The following DNAI7 variants were observed in gnomAD, a reference collection of about 807,000 sequenced individuals.
DNAI7 encodes the protein cancer susceptibility 1.
In DNAI7, 78 loss-of-function variants were observed where a neutral mutation model predicts 86.6. The observed-to-expected ratio is 0.90, with a 90% CI of 0.75 to 1.09. The LOEUF (loss-of-function observed/expected upper bound fraction) is 1.09, where lower values mean the gene tolerates loss of function less well. Ranked by LOEUF, DNAI7 falls within the 50% of genes least tolerant of loss-of-function variation. DNAI7 has a pLI of 0.00. For synonymous variants in DNAI7, 274 were observed against 273.0 expected, an observed-to-expected ratio of 1.00 and a Z score of -0.04; for missense variants, 753 against 810.2, an observed-to-expected ratio of 0.93 and a Z score of 0.86.
chr12:25,148,083 AT>A (rs140136097), intron 7 of DNAI7, among the ~76,000 whole-genome samples: 3,096 of 152,250 alleles, frequency 0.02, 87 homozygotes, highest in African/African-American at 0.071. Context: ...TTTATTATTA[AT>A]TTTTTTAAGT....
At chr12:25,152,693 C>G (rs1340456752) in intron 6 of DNAI7, among the ~76,000 whole-genome samples, 1 of 152,122 alleles carries the variant, frequency 6.6e-6, no homozygotes, top group East Asian at 1.9e-4. Context: ...AGGTGACAAG[C>G]TGGGACTTGT....
At chr12:25,151,841 G>T (rs2140937215) in intron 6 of DNAI7, among the ~76,000 whole-genome samples, 1 of 152,298 alleles carries the variant, frequency 6.6e-6, no homozygotes, top group East Asian at 1.9e-4. Flanking sequence ...TTATAATCTT[G>T]TTGTTTAGAT....
At chr12:25,153,700 A>C (rs1336085177) in intron 6 of DNAI7, among the ~76,000 whole-genome samples, 3 of 152,176 alleles carry the variant, frequency 2.0e-5, no homozygotes, top group Non-Finnish European at 4.4e-5. Context: ...TTAGCTATGA[A>C]GCCATGGCTT....
intron 3 of DNAI7, among the ~76,000 whole-genome samples, chr12:25,159,002 T>G (rs2141008038): frequency 6.6e-6 from 1 of 152,304 alleles, no homozygotes; most frequent in South Asian, 2.1e-4. Context: ...TGAAAACCAG[T>G]TCAACCAATG....
At chr12:25,189,642 T>C (rs1950330062) in intron 2 of DNAI7, among the ~76,000 whole-genome samples, 1 of 152,032 alleles carries the variant, frequency 6.6e-6, no homozygotes, top group Admixed American at 6.6e-5. Flanking sequence ...ACCCTGTCTC[T>C]AAAATACAAA....
chr12:25,179,756 C>G (rs1949323429), intron 2 of DNAI7, among the ~76,000 whole-genome samples: 2 of 151,132 alleles, frequency 1.3e-5, no homozygotes, highest in Admixed American at 1.3e-4. Flanking sequence ...AAAAAAAAAC[C>G]CTCAAAAAAC....
intron 7 of DNAI7, among the ~76,000 whole-genome samples, chr12:25,149,246 T>C (rs1945213430): frequency 6.6e-6 from 1 of 152,172 alleles, no homozygotes; most frequent in South Asian, 2.1e-4. Context: ...TTGCCATTAC[T>C]TTTAATAGCA....
intron 2 of DNAI7, among the ~76,000 whole-genome samples, chr12:25,168,767 C>T (rs1334326547): frequency 6.6e-6 from 1 of 152,180 alleles, no homozygotes; most frequent in East Asian, 1.9e-4. Context: ...ATTAGATGTC[C>T]TAGGTCCTCC....
intron 9 of DNAI7, among the ~76,000 whole-genome samples, chr12:25,140,087 T>C (rs1466394636): frequency 1.3e-5 from 2 of 152,056 alleles, no homozygotes; most frequent in East Asian, 1.9e-4. Flanking sequence ...CAGCCAACAT[T>C]ATACTGAATA....
intron 2 of DNAI7, among the ~76,000 whole-genome samples, chr12:25,169,150 G>C (rs538636345): frequency 4.8e-4 from 73 of 152,296 alleles, no homozygotes; most frequent in African/African-American, 1.6e-3. Context: ...TCCCCTGTGA[G>C]GTGCACGTAC....
At chr12:25,134,352 C>CATTT (rs766442145) in intron 9 of DNAI7, among the ~76,000 whole-genome samples, 45 of 91,156 alleles carry the variant, frequency 4.9e-4, no homozygotes, top group African/African-American at 1.8e-3. Flanking sequence ...CCTTGGCGTA[C>CATTT]TTTTTTTTTT....
intron 9 of DNAI7, among the ~76,000 whole-genome samples, chr12:25,131,806 T>C (rs2140623307): frequency 6.6e-6 from 1 of 152,304 alleles, no homozygotes; most frequent in African/African-American, 2.4e-5. Context: ...ATTCACTTCT[T>C]CCTTCCTTCA....
chr12:25,163,206 TACTA>T (rs1208633303), intron 2 of DNAI7, among the ~76,000 whole-genome samples: 13 of 152,190 alleles, frequency 8.5e-5, no homozygotes, highest in Non-Finnish European at 1.2e-4. Flanking sequence ...CACATTTCAA[TACTA>T]ACTGTCAGGC....
Position 25,147,015 on chromosome 12 carries a change from G to A in DNAI7, c.675C>T (p.Leu225=). ...ENVTLYVWAN[L]KKNPRHRSVR... Reference sequence around the variant, plus strand: ...CACAAGGGTACCTTGGATTCTTCTTGAGGTTTGCCCACACATACAGAGTAA... The same window carrying A: ...CACAAGGGTACCTTGGATTCTTCTTAAGGTTTGCCCACACATACAGAGTAA... The change falls in exon 8 of 16, where the codon CTC becomes CTT. Residue 225 remains leucine, a synonymous_variant. Coordinates refer to ENST00000395987, the MANE Select transcript of DNAI7 (RefSeq NM_018272.5). The A allele has an allele frequency of 6.3e-7, 1 of 1,577,930 alleles. No individual in the cohort carries two copies. Among genetic ancestry groups the A allele is most frequent in the Non-Finnish European group, 8.7e-7 (1 of 1,147,334 alleles).
chr12:25,163,695 A>G lies in DNAI7; in HGVS notation c.22-2498T>C, dbSNP rs192120902. Among the ~76,000 whole-genome samples the G allele has an allele frequency of 3.9e-5, 6 of 152,252 alleles. No individual in the cohort carries two copies. In the Middle Eastern group the frequency reaches 0.014, roughly 345 times the overall value. ...AATCCCCTGTCCTGCTTTTTGTTCC[A>G]TGAGAAAGATTCACCTACGACCTCT... On this transcript the variant is annotated intron_variant, in intron 2 of 15. Transcript: ENST00000395987.
downstream of DNAI7, chr12:25,108,215 C>A: frequency 1.3e-6 from 1 of 789,726 alleles, no homozygotes; most frequent in Non-Finnish European, 1.9e-6. Context: ...GCCTTTATCT[C>A]CCCAACTAAA....
At chr12:25,181,522 C>T (rs764698124) in intron 2 of DNAI7, among the ~76,000 whole-genome samples, 33 of 151,918 alleles carry the variant, frequency 2.2e-4, no homozygotes, top group Admixed American at 3.3e-4. Flanking sequence ...GCAATTGCAA[C>T]AAAAACAAAA....
At chr12:25,189,042 CAAAG>C (rs1950284792) in intron 2 of DNAI7, among the ~76,000 whole-genome samples, 1 of 152,208 alleles carries the variant, frequency 6.6e-6, no homozygotes, top group South Asian at 2.1e-4. Context: ...CAGAAGCAAA[CAAAG>C]AAGGCACTCA....
At chr12:25,152,739 G>A (rs12227966) in intron 6 of DNAI7, among the ~76,000 whole-genome samples, 41 of 152,010 alleles carry the variant, frequency 2.7e-4, no homozygotes, top group African/African-American at 8.0e-4. Flanking sequence ...TTTGTGGGAC[G>A]GGGGTCTGCA....
Sources: gnomAD v4.1 joint callset for allele counts (sites outside exome capture counted in the v4.1 genomes callset) on GRCh38, gnomAD v4.1.1 for gene constraint, MANE v1.5 for transcripts, NCBI Gene and HGNC (gene_info 2026-07-23, HGNC 2026-07-21) for gene names.